CTSB: variants seen among roughly 807,000 people sequenced by gnomAD.
CTSB encodes APP secretase.
Under a neutral mutation model 44.3 loss-of-function variants are expected in CTSB, and 57 were observed. The observed-to-expected ratio is 1.29, with a 90% CI of 1.04 to 1.60. CTSB has a LOEUF of 1.60. CTSB is among the 40% of genes most tolerant of loss of function. CTSB has a pLI of 0.00. For missense variants in CTSB, 768 were observed against 443.0 expected (o/e 1.73, Z -6.59); for synonymous variants, 320 against 168.0 (o/e 1.91, Z -7.00).
At chr8:11,845,522 G>C (rs764400122) in intron 9 of CTSB, 139 bp downstream of exon 9, 2 of 1,044,142 alleles carry the variant, frequency 1.9e-6, no homozygotes, top group Non-Finnish European at 2.7e-6. Context: ...CTGACTGCCT[G>C]GCACTTAGGA....
chr8:11,851,984 G>T (rs1354283645), intron 3 of CTSB, among the ~76,000 whole-genome samples: 1 of 152,132 alleles, frequency 6.6e-6, no homozygotes, highest in African/African-American at 2.4e-5. Context: ...GCTTTTCTTA[G>T]ATTTCCCTTA....
At chr8:11,862,202 A>C (rs903166249) in intron 1 of CTSB, 3 of 145,178 alleles carry the variant, frequency 2.1e-5, no homozygotes, top group Non-Finnish European at 4.6e-5. Flanking sequence ...GTCAGACTCC[A>C]TCTCAAAAAA....
At chr8:11,865,950 C>T (rs1470743941) in intron 1 of CTSB, among the ~76,000 whole-genome samples, 8 of 144,228 alleles carry the variant, frequency 5.5e-5, no homozygotes, top group South Asian at 2.2e-4. Flanking sequence ...ACATGAGAGG[C>T]GGAGGTGGCA....
rs1274794818 is a variant in CTSB at position 11,843,515 on chromosome 8, A to T, written c.*1610T>A. On this transcript the variant is annotated 3_prime_UTR_variant, in exon 10 of 10. Transcript: ENST00000353047. ...AACTGCTATAACATGTTTCTAAACCAGGGCTATGCAAAGCACTAGAGTTCC... is the reference window on the plus strand; with the variant it reads ...AACTGCTATAACATGTTTCTAAACCTGGGCTATGCAAAGCACTAGAGTTCC... 1 of 152,268 alleles carries T rather than the reference A, an allele frequency of 6.6e-6. No individual in the cohort carries two copies. Among genetic ancestry groups the T allele is most frequent in the African/African-American group, 2.4e-5 (1 of 41,456 alleles). 9.4% of individuals were successfully genotyped at this position (152,268 alleles called of 1,614,324 possible).
intron 2 of CTSB, among the ~76,000 whole-genome samples, chr8:11,852,942 C>G (rs770661317): frequency 6.6e-6 from 1 of 152,190 alleles, no homozygotes; most frequent in Non-Finnish European, 1.5e-5. Flanking sequence ...ACTCCTCATT[C>G]TTGGTTCTCA....
At chr8:11,845,312 C>A in intron 9 of CTSB, 90 bp from the exon 10 acceptor site, 2 of 989,434 alleles carry the variant, frequency 2.0e-6, no homozygotes, top group South Asian at 1.4e-5. Flanking sequence ...AGTCACTCAT[C>A]CCTGGCCACT....
chr8:11,844,975 ACTTGGTCTC>A lies in CTSB; in HGVS notation c.*141_*149del. On this transcript the variant is annotated 3_prime_UTR_variant, in exon 10 of 10. Coordinates refer to ENST00000353047, the MANE Select transcript of CTSB (RefSeq NM_001908.5). The stretch of plus-strand genomic sequence containing the variant: ...AACCACAGGCTGGGATGTAGCCAGG[ACTTGGTCTC>A]CTTGGAAGACAGGTCTGATGTTTGG... 1.6e-6 allele frequency: 1 copy of A among 628,550 alleles called. No individual in the cohort carries two copies. The allele number at this position is 628,550 out of a possible 1,614,324, so 38.9% of individuals were successfully genotyped here. A position where few individuals can be genotyped will look rare whatever the true frequency, so the allele number is the denominator to read the frequency against.
At chr8:11,853,717 C>T in intron 1 of CTSB, 1 of 451,102 alleles carries the variant, frequency 2.2e-6, no homozygotes, top group Non-Finnish European at 4.0e-6. Context: ...AGCCAAGGGG[C>T]TGTGCTGGAC....
rs1051690348 is a variant in CTSB at position 11,844,077 on chromosome 8, C to T, written c.*1048G>A. ...ATAGAGCACAGCTATGTTTTGAGTT[C>T]TTAAGCAAGGGCAAGCTTACCAGGC... is the stretch of plus-strand genomic sequence containing the variant. On this transcript the variant is annotated 3_prime_UTR_variant, in exon 10 of 10. Transcript: ENST00000353047. 1.3e-5 allele frequency: 2 copies of T among 152,166 alleles called. No homozygotes were observed. The highest frequency in any genetic ancestry group is 4.8e-5 in the African/African-American group (2 of 41,424). The allele number at this position is 152,166 out of a possible 1,614,324, so 9.4% of individuals were successfully genotyped here. A position where few individuals can be genotyped will look rare whatever the true frequency, so the allele number is the denominator to read the frequency against.
intron 6 of CTSB, 115 bp from the exon 7 acceptor site, chr8:11,847,937 G>T: frequency 7.3e-7 from 1 of 1,371,832 alleles, no homozygotes; most frequent in Non-Finnish European, 1.0e-6. Flanking sequence ...CCAGAGGCCT[G>T]TGCACCTGGC....
In CTSB at chr8:11,848,110, T is replaced by G. The variant is rs770761969; in HGVS notation, c.489A>C (p.Thr163=). The G allele has an allele frequency of 1.9e-6, 3 of 1,614,046 alleles. No homozygotes were observed. Among genetic ancestry groups the G allele is most frequent in the Non-Finnish European group, 2.5e-6 (3 of 1,180,012 alleles). The change falls in exon 6 of 10, where the codon ACA becomes ACC. Residue 163 remains threonine (T), a synonymous_variant. Transcript: ENST00000353047. ...GGCCACCAGAAACCAGGCCTTTTCT[T>G]GTCCAGAAGTTCCAAGCTTCAGCAG... is the stretch of plus-strand genomic sequence containing the variant. ...GYPAEAWNFW[T]RKGLVSGGLY...
chr8:11,855,662 G>A lies in CTSB; in HGVS notation c.-25-2183C>T, dbSNP rs535455993. On this transcript the variant is annotated intron_variant, in intron 1 of 9. Coordinates refer to ENST00000353047, the MANE Select transcript of CTSB (RefSeq NM_001908.5). ...ACTTTAGGCTTCGTTTCCACAAAAGGCTCTTCAAAGTCAGAAAAATGGAAC... is the reference window on the plus strand; with the variant it reads ...ACTTTAGGCTTCGTTTCCACAAAAGACTCTTCAAAGTCAGAAAAATGGAAC... Among the ~76,000 whole-genome samples, 3 of 152,216 alleles carry A rather than the reference G, an allele frequency of 2.0e-5. No individual in the cohort carries two copies. In the South Asian group the frequency reaches 6.2e-4, roughly 32 times the overall value.
Position 11,853,477 on chromosome 8 carries a change from C to T in CTSB, c.-23G>A, listed in dbSNP as rs775480867. ...CATGTTGGAAGCCGGATCCTAGATC[C>T]ACCTGGAGAGGACAGAGGGCATCAG... On this transcript the variant is annotated splice_region_variant and 5_prime_UTR_variant, in exon 2 of 10. Transcript: ENST00000353047. The T allele has an allele frequency of 3.1e-6, 5 of 1,609,286 alleles. No individual in the cohort carries two copies. The highest frequency in any genetic ancestry group is 1.7e-5 in the Admixed American group (1 of 59,654).
At position 11,866,778 on chromosome 8, in the gene CTSB, T is replaced by C. The variant is rs149449874; in HGVS notation, c.-26+1223A>G. 1.1e-4 allele frequency among the ~76,000 whole-genome samples: 16 copies of C among 152,228 alleles called. No homozygotes were observed. The East Asian group carries it at 2.5e-3, about 24-fold the overall frequency. On this transcript the variant is annotated intron_variant, in intron 1 of 9. Coordinates refer to ENST00000353047, the MANE Select transcript of CTSB (RefSeq NM_001908.5). ...GGGAGGCTGAGGCAGGAGAATAGCT[T>C]GAATTTGGGAGGCGGAAGTTGTAGT...
At chr8:11,864,548 A>G (rs1360939233) in intron 1 of CTSB, 1 of 152,196 alleles carries the variant, frequency 6.6e-6, no homozygotes, top group African/African-American at 2.4e-5. Flanking sequence ...AGAATCCAAA[A>G]GAGGGGCAGC....
At chr8:11,849,216 C>A (rs772504657) in intron 4 of CTSB, 52 bp from the exon 5 acceptor site, 27 of 1,481,192 alleles carry the variant, frequency 1.8e-5, no homozygotes, top group South Asian at 1.1e-5. Flanking sequence ...GCTGGGCCCT[C>A]TGCAGCAGTC....
chr8:11,846,088 G>C (rs1586080251), intron 8 of CTSB: 3 of 216,214 alleles, frequency 1.4e-5, no homozygotes, highest in Non-Finnish European at 1.8e-5. Flanking sequence ...TTTAATGCTA[G>C]ATGACTGATT....
At chr8:11,861,998 G>A (rs1435245731) in intron 1 of CTSB, among the ~76,000 whole-genome samples, 2 of 152,150 alleles carry the variant, frequency 1.3e-5, no homozygotes, top group Admixed American at 6.5e-5. Context: ...ACGAGGTCAG[G>A]AGATCGAGAC....
Position 11,846,920 on chromosome 8 carries a change from C to T in CTSB, c.793+132G>A. ...AGAGGAGTGAGCCTATATGGAAGGC[C>T]CCACACAGCCCTCTTCCCCAGCCCC... On this transcript the variant is annotated intron_variant, in intron 8 of 9. Transcript: ENST00000353047. 1.6e-5 allele frequency: 11 copies of T among 674,338 alleles called. No individual in the cohort carries two copies. The South Asian group carries it at 1.7e-4, about 10-fold the overall frequency. The allele number at this position is 674,338 out of a possible 1,614,324, so 41.8% of individuals were successfully genotyped here. A position where few individuals can be genotyped will look rare whatever the true frequency, so the allele number is the denominator to read the frequency against.
Sources: allele counts gnomAD v4.1 joint callset (sites outside exome capture counted in the v4.1 genomes callset), GRCh38; gene constraint gnomAD v4.1.1; transcripts MANE v1.5; gene names NCBI Gene and HGNC (gene_info 2026-07-23, HGNC 2026-07-21).